Variants in CREB5 observed in about 807,000 individuals in gnomAD.
The protein encoded by CREB5 is cyclic AMP-responsive element-binding protein 5.
Under a neutral mutation model 57.1 loss-of-function variants are expected in CREB5, and 19 were observed. That is an observed-to-expected ratio of 0.33 (90% CI 0.23 to 0.49). The LOEUF is 0.49. CREB5 is among the 20% of genes least tolerant of loss of function. CREB5 has a pLI of 0.99. For synonymous variants in CREB5, 238 were observed against 238.3 expected (o/e 1.00, Z 0.01); for missense variants, 579 against 671.6 (o/e 0.86, Z 1.52).
intron 4 of CREB5, among the ~76,000 whole-genome samples, chr7:28,523,111 C>A (rs1021840012): frequency 3.3e-5 from 5 of 152,174 alleles, no homozygotes; most frequent in African/African-American, 1.2e-4. Flanking sequence ...GAATGACTGC[C>A]TTGAGGAAAG....
intron 4 of CREB5, among the ~76,000 whole-genome samples, chr7:28,521,393 C>T (rs113934170): frequency 3.9e-5 from 6 of 152,208 alleles, no homozygotes; most frequent in African/African-American, 9.6e-5. Context: ...TCCCCAGGCT[C>T]GCGGAGGTCT....
chr7:28,725,266 G>T (rs886441105), intron 7 of CREB5, among the ~76,000 whole-genome samples: 12 of 152,200 alleles, frequency 7.9e-5, no homozygotes, highest in African/African-American at 2.9e-4. Flanking sequence ...ATCAATTCCT[G>T]TGCAGGGTGG....
At chr7:28,618,209 C>A (rs1453716589) in intron 5 of CREB5, among the ~76,000 whole-genome samples, 1 of 152,070 alleles carries the variant, frequency 6.6e-6, no homozygotes, top group Non-Finnish European at 1.5e-5. Context: ...AAACAACTGT[C>A]CTGCTTGGCT....
chr7:28,819,081 G>T (rs1266608711), intron 10 of CREB5, 35 bp from the exon 11 acceptor site: 2 of 1,600,950 alleles, frequency 1.2e-6, no homozygotes, highest in Non-Finnish European at 1.7e-6. Flanking sequence ...TGGTGTGTGT[G>T]TATGTGTGTG....
At chr7:28,510,260 C>T (rs1300482137) in intron 4 of CREB5, among the ~76,000 whole-genome samples, 3 of 152,196 alleles carry the variant, frequency 2.0e-5, no homozygotes, top group Admixed American at 1.3e-4. Flanking sequence ...TTATTCAGTG[C>T]CTATCTTATC....
In CREB5 at chr7:28,820,909, T is replaced by A. The variant is rs1479737156; in HGVS notation, c.*1630T>A. ...CACTGCACCCAGCCTACTTCACTCT[T>A]CTGAATTATTCTGATTTATTTTCAA... On this transcript the variant is annotated 3_prime_UTR_variant, in exon 11 of 11. Transcript: ENST00000357727. 1 of 152,546 alleles carries A rather than the reference T, an allele frequency of 6.6e-6. No homozygotes were observed. Among genetic ancestry groups the A allele is most frequent in the African/African-American group, 2.4e-5 (1 of 41,436 alleles). The allele number at this position is 152,546 out of a possible 1,614,324, so 9.4% of individuals were successfully genotyped here. A position where few individuals can be genotyped will look rare whatever the true frequency, so the allele number is the denominator to read the frequency against.
chr7:28,596,567 C>G (rs949167038), intron 5 of CREB5, among the ~76,000 whole-genome samples: 1 of 152,170 alleles, frequency 6.6e-6, no homozygotes, highest in Non-Finnish European at 1.5e-5. Flanking sequence ...CCAAATGAAA[C>G]AAGTTCCTTT....
intron 5 of CREB5, among the ~76,000 whole-genome samples, chr7:28,598,337 T>C (rs1384752754): frequency 6.6e-6 from 1 of 152,154 alleles, no homozygotes; most frequent in Admixed American, 6.6e-5. Context: ...ATTAAACCTC[T>C]TTTTCTTCCC....
chr7:28,362,633 A>G (rs1333068913), intron 1 of CREB5, among the ~76,000 whole-genome samples: 2 of 152,236 alleles, frequency 1.3e-5, no homozygotes, highest in African/African-American at 2.4e-5. Context: ...TAACACTAGC[A>G]GTTTTCCAAG....
chr7:28,671,089 C>A (rs1583514940), intron 5 of CREB5, among the ~76,000 whole-genome samples: 1 of 151,854 alleles, frequency 6.6e-6, no homozygotes, highest in Admixed American at 6.6e-5. Context: ...CATAGCAAGA[C>A]CCTGTCCCTG....
At chr7:28,368,436 G>A (rs1490405508) in intron 1 of CREB5, among the ~76,000 whole-genome samples, 1 of 152,160 alleles carries the variant, frequency 6.6e-6, no homozygotes, top group Non-Finnish European at 1.5e-5. Context: ...TTTTATATCT[G>A]GGTCTGAAGT....
At chr7:28,387,048 G>A (rs1202266649) in intron 1 of CREB5, among the ~76,000 whole-genome samples, 1 of 152,110 alleles carries the variant, frequency 6.6e-6, no homozygotes, top group Non-Finnish European at 1.5e-5. Flanking sequence ...ACACATGCAT[G>A]TATCTTTATA....
In CREB5 at chr7:28,589,552, TCAAAAA is replaced by T. The variant is rs765001476; in HGVS notation, c.464+19028_464+19033del. ...CTGGGCGACAGAGCGACACTCTGTCTCAAAAACAAAAACAAAAAGAAAAAGAAAACA... is the reference window on the plus strand; with the variant it reads ...CTGGGCGACAGAGCGACACTCTGTCTCAAAAACAAAAAGAAAAAGAAAACA... On this transcript the variant is annotated intron_variant, in intron 5 of 10. Coordinates refer to ENST00000357727, the MANE Select transcript of CREB5 (RefSeq NM_182898.4). 6.4e-4 allele frequency among the ~76,000 whole-genome samples: 98 copies of T among 152,268 alleles called. 1 individual carries two copies. Among genetic ancestry groups the T allele is most frequent in the Admixed American group, 5.0e-3 (76 of 15,278 alleles).
At chr7:28,319,017 T>C (rs1785437471) in intron 1 of CREB5, among the ~76,000 whole-genome samples, 1 of 152,178 alleles carries the variant, frequency 6.6e-6, no homozygotes, top group African/African-American at 2.4e-5. Context: ...TATCTGTATG[T>C]TAAATGTACT....
rs192138033 is a variant in CREB5, at chr7:28,388,486, C to A, written c.-25+89045C>A. Among the ~76,000 whole-genome samples the A allele has an allele frequency of 7.3e-4, 111 of 152,300 alleles. 1 individual carries two copies. Among genetic ancestry groups the A allele is most frequent in the Non-Finnish European group, 3.7e-4 (25 of 68,026 alleles). On this transcript the variant is annotated intron_variant, in intron 1 of 9. Coordinates refer to the CREB5 transcript ENST00000396299. ...GGGCAGCCATAGATTCAGCTAACAC[C>A]TGCTTTCCAGCCCGTAATGAGCTCA...
chr7:28,421,795 T>C (rs1788264867), intron 1 of CREB5, among the ~76,000 whole-genome samples: 1 of 148,884 alleles, frequency 6.7e-6, no homozygotes, highest in Non-Finnish European at 1.5e-5. Flanking sequence ...CATATATATA[T>C]ATATACACAC....
intron 5 of CREB5, among the ~76,000 whole-genome samples, chr7:28,582,922 A>AATATTTATTTAATTTTTATAT (rs1471312145): frequency 6.6e-6 from 1 of 152,218 alleles, no homozygotes; most frequent in African/African-American, 2.4e-5. Context: ...TAAATAAGTA[A>AATATTTATTTAATTTTTATAT]ATAGCAGGCA....
At chr7:28,551,999 T>TCC (rs1794684406) in intron 4 of CREB5, among the ~76,000 whole-genome samples, 1 of 29,240 alleles carries the variant, frequency 3.4e-5, no homozygotes, top group Non-Finnish European at 5.3e-5. Flanking sequence ...CTCTCTTTTC[T>TCC]CTCTCTCTCT....
chr7:28,569,156 C>CT (rs754353559), intron 4 of CREB5, among the ~76,000 whole-genome samples: 5,475 of 146,338 alleles, frequency 0.037, 326 homozygotes, highest in African/African-American at 0.12. Context: ...CTTTTCTTTT[C>CT]TTTTTTTTTT....
Sources: allele counts gnomAD v4.1 joint callset (sites outside exome capture counted in the v4.1 genomes callset), GRCh38; gene constraint gnomAD v4.1.1; transcripts MANE v1.5; gene names NCBI Gene and HGNC (gene_info 2026-07-23, HGNC 2026-07-21).